Variants in ATXN1 observed in about 807,000 individuals in gnomAD.
ATXN1 encodes the protein ataxin-1.
A neutral mutation model predicts 56.4 loss-of-function variants in ATXN1; 8 were observed. That is an observed-to-expected ratio of 0.14 (90% CI 0.08 to 0.26). ATXN1 has a LOEUF of 0.26. Ranked by LOEUF, ATXN1 falls within the 10% of genes least tolerant of loss-of-function variation. ATXN1 has a pLI of 1.00. For missense variants in ATXN1, 987 were observed against 1,106.5 expected, an observed-to-expected ratio of 0.89 and a Z score of 1.53; for synonymous variants, 514 against 494.6, an observed-to-expected ratio of 1.04 and a Z score of -0.52.
intron 2 of ATXN1, among the ~76,000 whole-genome samples, chr6:16,750,566 T>C (rs568941411): frequency 3.3e-5 from 5 of 152,352 alleles, no homozygotes; most frequent in Non-Finnish European, 7.3e-5. Flanking sequence ...TAAGCTTTCT[T>C]TAAATGCAAT....
intron 2 of ATXN1, among the ~76,000 whole-genome samples, chr6:16,706,551 T>C (rs1032371497): frequency 1.3e-5 from 2 of 152,006 alleles, no homozygotes; most frequent in African/African-American, 4.8e-5. Flanking sequence ...GGTGAAACCC[T>C]GTCTCTACTA....
At chr6:16,587,229 T>C (rs186935127) in intron 3 of ATXN1, among the ~76,000 whole-genome samples, 2 of 152,330 alleles carry the variant, frequency 1.3e-5, no homozygotes, top group East Asian at 3.9e-4. Context: ...CAAATCCAGA[T>C]GCCAAAACAC....
chr6:16,645,129 G>A (rs1763779220), intron 3 of ATXN1, among the ~76,000 whole-genome samples: 1 of 152,188 alleles, frequency 6.6e-6, no homozygotes, highest in African/African-American at 2.4e-5. Flanking sequence ...GTTGCCATGT[G>A]TCTTTTAGAT....
At chr6:16,534,837 C>G (rs1319195993) in intron 4 of ATXN1, among the ~76,000 whole-genome samples, 1 of 152,216 alleles carries the variant, frequency 6.6e-6, no homozygotes, top group Non-Finnish European at 1.5e-5. Context: ...TAAGTCTGCT[C>G]TTGTATAAAC....
At chr6:16,678,977 G>T (rs868501010) in intron 2 of ATXN1, among the ~76,000 whole-genome samples, 1 of 151,742 alleles carries the variant, frequency 6.6e-6, no homozygotes, top group African/African-American at 2.4e-5. Flanking sequence ...CAGAGGTTGC[G>T]GTAAGCCGAG....
chr6:16,392,202 G>C (rs1317933342), intron 6 of ATXN1, among the ~76,000 whole-genome samples: 1 of 152,194 alleles, frequency 6.6e-6, no homozygotes, highest in Non-Finnish European at 1.5e-5. Context: ...CTGCTGTCAG[G>C]CTGTTTAATT....
chr6:16,743,530 T>C (rs1760414673), intron 2 of ATXN1, among the ~76,000 whole-genome samples: 1 of 152,152 alleles, frequency 6.6e-6, no homozygotes, highest in Non-Finnish European at 1.5e-5. Flanking sequence ...AACATAAGCA[T>C]CACAGGGGGA....
At chr6:16,336,518 AC>A (rs1761126484) in intron 6 of ATXN1, among the ~76,000 whole-genome samples, 1 of 152,084 alleles carries the variant, frequency 6.6e-6, no homozygotes, top group Non-Finnish European at 1.5e-5. Context: ...CAAGTTCAAG[AC>A]CACCCACCCA....
chr6:16,629,980 T>A (rs1433482301), intron 3 of ATXN1, among the ~76,000 whole-genome samples: 1 of 152,174 alleles, frequency 6.6e-6, no homozygotes, highest in Non-Finnish European at 1.5e-5. Context: ...AACCTTCTTC[T>A]GGAAAGGGCA....
intron 3 of ATXN1, among the ~76,000 whole-genome samples, chr6:16,654,288 G>A (rs1561794813): frequency 6.6e-6 from 1 of 152,138 alleles, no homozygotes; most frequent in Admixed American, 6.5e-5. Context: ...GCTTACACCT[G>A]TAATCTCAGC....
At chr6:16,730,506 T>TATATATATAA (rs1367623215) in intron 2 of ATXN1, among the ~76,000 whole-genome samples, 10 of 147,124 alleles carry the variant, frequency 6.8e-5, no homozygotes, top group African/African-American at 2.5e-4. Flanking sequence ...TATATATATA[T>TATATATATAA]AAATGTATTT....
chr6:16,518,496 C>G (rs531031542), intron 5 of ATXN1, among the ~76,000 whole-genome samples: 2 of 152,260 alleles, frequency 1.3e-5, no homozygotes, highest in Admixed American at 1.3e-4. Context: ...GGGGAACAGG[C>G]AGGTGTCAAG....
chr6:16,522,431 A>G (rs236938), intron 5 of ATXN1, among the ~76,000 whole-genome samples, 196 bp downstream of exon 5: 1,822 of 152,248 alleles, frequency 0.012, 21 homozygotes, highest in African/African-American at 0.041. Context: ...AATCGCAGAA[A>G]AATCTACAAG....
intron 6 of ATXN1, among the ~76,000 whole-genome samples, chr6:16,409,306 A>AAC (rs1050699245): frequency 2.6e-5 from 4 of 151,630 alleles, no homozygotes; most frequent in Non-Finnish European, 4.4e-5. Flanking sequence ...AAAAAAAAAA[A>AAC]ACCACAGTAA....
At chr6:16,310,043 G>A (rs1302742372) in intron 7 of ATXN1, among the ~76,000 whole-genome samples, 2 of 149,504 alleles carry the variant, frequency 1.3e-5, no homozygotes, top group Non-Finnish European at 3.0e-5. Flanking sequence ...TCACACTCTA[G>A]ACTGGGCGAC....
chr6:16,375,039 T>C (rs953337921), intron 6 of ATXN1, among the ~76,000 whole-genome samples: 25 of 152,340 alleles, frequency 1.6e-4, no homozygotes, highest in African/African-American at 6.0e-4. Context: ...CTCACCCACC[T>C]ACCCCAGCAG....
intron 7 of ATXN1, among the ~76,000 whole-genome samples, chr6:16,319,340 T>A (rs1412480586): frequency 4.6e-5 from 7 of 152,066 alleles, no homozygotes; most frequent in African/African-American, 1.7e-4. Flanking sequence ...GAGACGCCAA[T>A]GTGAAAAGGC....
intron 3 of ATXN1, among the ~76,000 whole-genome samples, chr6:16,599,709 C>CAA (rs35593294): frequency 8.3e-5 from 6 of 72,154 alleles, no homozygotes; most frequent in East Asian, 4.5e-4. Flanking sequence ...AACTCCGTCT[C>CAA]AAAAAAAAAA....
chr6:16,761,399 C>T lies in ATXN1; in HGVS notation c.-831G>A, dbSNP rs1761098011. The T allele has an allele frequency of 2.2e-6, 1 of 456,446 alleles. No individual in the cohort carries two copies. Among genetic ancestry groups the T allele is most frequent in the Non-Finnish European group, 4.4e-6 (1 of 226,922 alleles). 28.3% of individuals were successfully genotyped at this position (456,446 alleles called of 1,614,324 possible). A position where few individuals can be genotyped will look rare whatever the true frequency, so the allele number is the denominator to read the frequency against. ...TTGCTCTGGCTGCTGCTCCACGGGG[C>T]TTGTTTTGGATCCCCCTGCAGTGAA... On this transcript the variant is annotated 5_prime_UTR_variant, in exon 1 of 8. Transcript: ENST00000436367.
Sources: gnomAD v4.1 joint callset for allele counts (sites outside exome capture counted in the v4.1 genomes callset) on GRCh38, gnomAD v4.1.1 for gene constraint, MANE v1.5 for transcripts, NCBI Gene and HGNC (gene_info 2026-07-23, HGNC 2026-07-21) for gene names.